VIPAS39: variants seen among roughly 807,000 people sequenced by gnomAD.
VIPAS39 encodes spermatogenesis-defective protein 39 homolog.
VIPAS39 carries 63 observed loss-of-function variants against 84.7 expected under a neutral mutation model. That is an observed-to-expected ratio of 0.74 (90% CI 0.61 to 0.92). VIPAS39 has a LOEUF of 0.92. VIPAS39 is among the 40% of genes least tolerant of loss of function. The probability of loss-of-function intolerance (pLI) is 0.00; values close to 1 mark genes in which losing one functional copy is unlikely to be tolerated. For synonymous variants in VIPAS39, 192 were observed against 216.5 expected, an observed-to-expected ratio of 0.89 and a Z score of 0.99; for missense variants, 499 against 604.5, an observed-to-expected ratio of 0.83 and a Z score of 1.83.
chr14:77,429,751 GTATA>G lies in VIPAS39; in HGVS notation c.1192_1195del (p.Tyr398ProfsTer40). 6.2e-7 allele frequency: 1 copy of G among 1,614,168 alleles called. No individual in the cohort carries two copies. Among genetic ancestry groups the G allele is most frequent in the Non-Finnish European group, 8.5e-7 (1 of 1,180,024 alleles). ...GAAGCCAATGGGTGCTCTCTTCTTG[GTATA>G]GCCCAGCCAGTTCTGAAAGAGGAAG... On this transcript the variant is annotated frameshift_variant, in exon 17 of 20. Transcript: ENST00000557658. LOFTEE classifies it high-confidence loss of function.
At chr14:77,457,175 G>C in intron 1 of VIPAS39, 1 of 1,465,380 alleles carries the variant, frequency 6.8e-7, no homozygotes, top group Non-Finnish European at 9.0e-7. Flanking sequence ...CAGGGAACAA[G>C]AGTTAAGCTA....
chr14:77,436,483 C>G (rs1416593892), intron 12 of VIPAS39, among the ~76,000 whole-genome samples: 1 of 152,150 alleles, frequency 6.6e-6, no homozygotes, highest in African/African-American at 2.4e-5. Context: ...TTCTCTGTGT[C>G]ACCCAGGCTG....
chr14:77,453,861 G>A, intron 2 of VIPAS39, 149 bp downstream of exon 2: 1 of 751,404 alleles, frequency 1.3e-6, no homozygotes, highest in Non-Finnish European at 2.3e-6. Flanking sequence ...AGTAAGAAAG[G>A]CAGTGAGCTG....
intron 10 of VIPAS39, 140 bp from the exon 11 acceptor site, chr14:77,441,233 A>G (rs2078698732): frequency 8.9e-6 from 8 of 898,722 alleles, no homozygotes; most frequent in Admixed American, 2.0e-5. Flanking sequence ...GGTTGATCAG[A>G]TATCATTGTT....
At chr14:77,451,109 A>G in intron 4 of VIPAS39, 78 bp downstream of exon 4, 1 of 1,600,578 alleles carries the variant, frequency 6.2e-7, no homozygotes, top group East Asian at 2.2e-5. Flanking sequence ...TTTCTTACAA[A>G]GTAAATGAAA....
In VIPAS39 at chr14:77,457,454, C is replaced by T. The variant is rs114784880; in HGVS notation, c.-1+41G>A. 8,565 of 1,504,462 alleles carry T rather than the reference C, an allele frequency of 5.7e-3. 408 individuals are homozygous for T. In the African/African-American group the frequency reaches 0.1, roughly 18 times the overall value. The allele number at this position is 1,504,462 out of a possible 1,614,324, so 93.2% of individuals were successfully genotyped here. A position where few individuals can be genotyped will look rare whatever the true frequency, so the allele number is the denominator to read the frequency against. On this transcript the variant is annotated intron_variant, in intron 1 of 19. Transcript: ENST00000557658. ...AGATCAAGATGCGGAGAGGCTGGAT[C>T]CAGCCAGATACGCGACCCAAGGGGC...
chr14:77,432,256 GAAGA>G (rs1683869488), intron 16 of VIPAS39, among the ~76,000 whole-genome samples: 1 of 151,896 alleles, frequency 6.6e-6, no homozygotes. Flanking sequence ...CTTAAAAAAA[GAAGA>G]AAGATAACAA....
rs1326383176 is a variant in VIPAS39 at position 77,427,238 on chromosome 14, T to TGG, written c.*376_*377dup. ...ACTGCCAATGTCCAGCGCCAAGTCC[T>TGG]GGATCATAATTAGCTGAGTGGAATG... On this transcript the variant is annotated 3_prime_UTR_variant, in exon 20 of 20. Coordinates refer to ENST00000557658, the MANE Select transcript of VIPAS39 (RefSeq NM_001193315.2). 1 of 288,680 alleles carries TGG rather than the reference T, an allele frequency of 3.5e-6. No homozygotes were observed. Among genetic ancestry groups the TGG allele is most frequent in the Admixed American group, 4.6e-5 (1 of 21,584 alleles). 17.9% of individuals were successfully genotyped at this position (288,680 alleles called of 1,614,324 possible). A position where few individuals can be genotyped will look rare whatever the true frequency, so the allele number is the denominator to read the frequency against.
chr14:77,451,882 G>T (rs1173009599), intron 3 of VIPAS39, among the ~76,000 whole-genome samples: 1 of 152,194 alleles, frequency 6.6e-6, no homozygotes, highest in East Asian at 1.9e-4. Flanking sequence ...CTCCTCCATT[G>T]CTGGTGGTAG....
intron 16 of VIPAS39, among the ~76,000 whole-genome samples, chr14:77,431,662 CCT>C (rs1175199732): frequency 3.3e-5 from 5 of 151,770 alleles, no homozygotes; most frequent in African/African-American, 1.2e-4. Flanking sequence ...AGAGTGAGAC[CCT>C]CTCTCAAAAA....
At chr14:77,429,307 T>C (rs2078481900) in intron 17 of VIPAS39, among the ~76,000 whole-genome samples, 1 of 152,198 alleles carries the variant, frequency 6.6e-6, no homozygotes. Context: ...AAGAGCACAC[T>C]TCTCCTGATC....
chr14:77,435,808 C>T, intron 13 of VIPAS39, 36 bp downstream of exon 13: 1 of 1,608,392 alleles, frequency 6.2e-7, no homozygotes, highest in Non-Finnish European at 8.5e-7. Flanking sequence ...TGAGCCTTGG[C>T]ACTGAAGCAA....
rs561029561 is a variant in VIPAS39 at position 77,437,930 on chromosome 14, G to A, written c.763-49C>T. ...TGAGGTATTTTGTCTCCTTAGATGA[G>A]GGAGATAGCTGATTAACTGAACTTC... On this transcript the variant is annotated intron_variant, in intron 11 of 19. Coordinates refer to ENST00000557658, the MANE Select transcript of VIPAS39 (RefSeq NM_001193315.2). 3.2e-6 allele frequency: 5 copies of A among 1,560,582 alleles called. No homozygotes were observed. The South Asian group carries it at 5.6e-5, about 17-fold the overall frequency.
At chr14:77,444,365 G>T (rs375464098) in intron 7 of VIPAS39, 24 bp from the exon 8 acceptor site, 1 of 1,593,678 alleles carries the variant, frequency 6.3e-7, no homozygotes, top group Non-Finnish European at 8.6e-7. Flanking sequence ...ACTAGAATTA[G>T]TACACAAGAA....
At position 77,449,699 on chromosome 14, in the gene VIPAS39, G is replaced by A. The variant is rs1261110674; in HGVS notation, c.382+15C>T. ...AACATTTCCCACAGCAATTAAAAGAGGGTTCAATGCCTACCATCAGAAAGG... is the reference window on the plus strand; with the variant it reads ...AACATTTCCCACAGCAATTAAAAGAAGGTTCAATGCCTACCATCAGAAAGG... On this transcript the variant is annotated intron_variant, in intron 5 of 19. Transcript: ENST00000557658. The A allele has an allele frequency of 2.5e-6, 4 of 1,614,110 alleles. No individual in the cohort carries two copies. Among genetic ancestry groups the A allele is most frequent in the Non-Finnish European group, 1.7e-6 (2 of 1,179,994 alleles).
intron 12 of VIPAS39, among the ~76,000 whole-genome samples, chr14:77,436,916 G>C (rs549601814): frequency 6.6e-6 from 1 of 152,286 alleles, no homozygotes; most frequent in East Asian, 1.9e-4. Context: ...AGAATTCTGA[G>C]TTTTAATTAC....
chr14:77,453,458 TC>T, intron 2 of VIPAS39, 57 bp from the exon 3 acceptor site: 1 of 1,536,338 alleles, frequency 6.5e-7, no homozygotes. Flanking sequence ...CCACCTCTCT[TC>T]TGACAATCAA....
At chr14:77,446,390 G>C (rs2078790770) in intron 7 of VIPAS39, among the ~76,000 whole-genome samples, 1 of 152,076 alleles carries the variant, frequency 6.6e-6, no homozygotes, top group Non-Finnish European at 1.5e-5. Flanking sequence ...TGCAGCCTCA[G>C]CCTCCAGGGC....
At chr14:77,447,717 G>A (rs1439765267) in intron 7 of VIPAS39, among the ~76,000 whole-genome samples, 1 of 152,228 alleles carries the variant, frequency 6.6e-6, no homozygotes, top group Non-Finnish European at 1.5e-5. Flanking sequence ...CTGGAGTGCA[G>A]TGGCACGATC....
Sources: gnomAD v4.1 joint callset for allele counts (sites outside exome capture counted in the v4.1 genomes callset) on GRCh38, gnomAD v4.1.1 for gene constraint, MANE v1.5 for transcripts, NCBI Gene and HGNC (gene_info 2026-07-23, HGNC 2026-07-21) for gene names.